Variants in AHCTF1 observed in about 807,000 individuals in gnomAD.
The protein encoded by AHCTF1 is AT-hook containing transcription factor 1.
Under a neutral mutation model 248.4 loss-of-function variants are expected in AHCTF1, and 24 were observed. That is an observed-to-expected ratio of 0.10 (90% CI 0.07 to 0.14). AHCTF1 has a LOEUF of 0.14. Ranked by LOEUF, AHCTF1 falls within the 10% of genes least tolerant of loss-of-function variation. The pLI is 1.00. For synonymous variants in AHCTF1, 786 were observed against 929.8 expected (o/e 0.85, Z 2.81); for missense variants, 2,206 against 2,636.2 (o/e 0.84, Z 3.57).
chr1:246,925,380 G>C (rs1286671240), intron 1 of AHCTF1, among the ~76,000 whole-genome samples: 4 of 152,142 alleles, frequency 2.6e-5, no homozygotes, highest in African/African-American at 7.2e-5. Flanking sequence ...TATTTCTTAG[G>C]CTGGGTGAGT....
intron 1 of AHCTF1, among the ~76,000 whole-genome samples, chr1:246,922,727 A>T (rs954424720): frequency 6.6e-6 from 1 of 151,284 alleles, no homozygotes; most frequent in Non-Finnish European, 1.5e-5. Flanking sequence ...TCACGCCTGT[A>T]ATCCCAGCAC....
intron 1 of AHCTF1, among the ~76,000 whole-genome samples, chr1:246,922,857 C>G (rs1213063733): frequency 2.7e-5 from 4 of 150,766 alleles, no homozygotes; most frequent in Admixed American, 2.0e-4. Context: ...GTGGCAGGCG[C>G]CTGTAGTCCC....
chr1:246,917,803 C>T (rs1400168600), intron 2 of AHCTF1, among the ~76,000 whole-genome samples: 1 of 152,194 alleles, frequency 6.6e-6, no homozygotes, highest in Non-Finnish European at 1.5e-5. Context: ...ATTACACAAT[C>T]TAAGTTACAC....
In AHCTF1 at chr1:246,900,322, A is replaced by G. The variant is rs1664907878; in HGVS notation, c.1250+15T>C. 1 of 1,582,990 alleles carries G rather than the reference A, an allele frequency of 6.3e-7. No homozygotes were observed. The highest frequency in any genetic ancestry group is 1.4e-5 in the African/African-American group (1 of 72,680). ...AATACAAAGAGAAAGGAGAGAGAAA[A>G]AAAAAGAATCATACCTTAACGAATC... On this transcript the variant is annotated intron_variant, in intron 9 of 35. Transcript: ENST00000648844.
intron 29 of AHCTF1, among the ~76,000 whole-genome samples, chr1:246,859,621 G>A (rs1661375787): frequency 6.6e-6 from 1 of 152,098 alleles, no homozygotes; most frequent in Admixed American, 6.6e-5. Context: ...CTGGGCTGGA[G>A]TTCAGTGGCG....
At chr1:246,912,347 G>C (rs1320884120) in intron 4 of AHCTF1, among the ~76,000 whole-genome samples, 1 of 151,916 alleles carries the variant, frequency 6.6e-6, no homozygotes, top group Non-Finnish European at 1.5e-5. Flanking sequence ...GCCAGGCATG[G>C]TGGCGTGTGC....
chr1:246,864,696 C>T (rs1341790137), intron 26 of AHCTF1, among the ~76,000 whole-genome samples: 3 of 34,910 alleles, frequency 8.6e-5, no homozygotes, highest in African/African-American at 5.7e-4. Context: ...AAAAATTAGC[C>T]GGGCGCGGTG....
intron 16 of AHCTF1, among the ~76,000 whole-genome samples, chr1:246,890,753 A>G (rs1664156256): frequency 6.6e-6 from 1 of 152,178 alleles, no homozygotes; most frequent in Admixed American, 6.5e-5. Flanking sequence ...TCCAATAAAC[A>G]TGTATGAGCA....
chr1:246,931,049 C>T (rs1236859849), intron 1 of AHCTF1: 1 of 1,519,122 alleles, frequency 6.6e-7, no homozygotes. Context: ...TTTTAAATCT[C>T]CTTGATCTGA....
chr1:246,899,473 G>A lies in AHCTF1; in HGVS notation c.1472C>T (p.Thr491Ile). 6.2e-7 allele frequency: 1 copy of A among 1,608,640 alleles called. No homozygotes were observed. The highest frequency in any genetic ancestry group is 2.2e-5 in the East Asian group (1 of 44,446). The change falls in exon 11 of 36, where the codon ACT becomes ATT. Residue 491 changes from threonine to isoleucine, a missense_variant. By Grantham distance (89) the Thr-to-Ile change is moderately conservative. This residue lies in a region of AHCTF1 where 650 missense variants were observed against 870.8 expected (regional missense o/e 0.75). Coordinates refer to ENST00000648844, the MANE Select transcript of AHCTF1 (RefSeq NM_001323342.2). Reference sequence around the variant, plus strand: ...TACCTCCTTCTGAAAGCCAGTACAAGTTAAATGAACAACTCCCGAGTTTAA... The same window carrying A: ...TACCTCCTTCTGAAAGCCAGTACAAATTAAATGAACAACTCCCGAGTTTAA... ...CLLNSGVVHL[T>I]CTGFQKETLT...
At chr1:246,891,336 A>T (rs1237228869) in intron 15 of AHCTF1, among the ~76,000 whole-genome samples, 1 of 152,180 alleles carries the variant, frequency 6.6e-6, no homozygotes. Flanking sequence ...CACCTCAGCT[A>T]CACTTTCATT....
intron 21 of AHCTF1, among the ~76,000 whole-genome samples, chr1:246,883,666 T>A (rs888460049): frequency 6.6e-6 from 1 of 152,208 alleles, no homozygotes; most frequent in African/African-American, 2.4e-5. Flanking sequence ...GACTAGTAAT[T>A]ATTTTTAAAC....
Position 246,931,780 on chromosome 1 carries a change from C to G in AHCTF1, c.-210G>C, listed in dbSNP as rs1166990802. ...GCGACCTCCCCGGCCACCTCAGAGC[C>G]ACACGCCCCCGAGAGTGCCTTCGCG... On this transcript the variant is annotated 5_prime_UTR_variant, in exon 1 of 36. Coordinates refer to ENST00000648844, the MANE Select transcript of AHCTF1 (RefSeq NM_001323342.2). 6.5e-6 allele frequency: 1 copy of G among 152,792 alleles called. No homozygotes were observed. Among genetic ancestry groups the G allele is most frequent in the African/African-American group, 2.4e-5 (1 of 41,464 alleles). 9.5% of individuals were successfully genotyped at this position (152,792 alleles called of 1,614,324 possible).
chr1:246,904,097 A>C, intron 6 of AHCTF1, 64 bp from the exon 7 acceptor site: 1 of 1,394,694 alleles, frequency 7.2e-7, no homozygotes, highest in South Asian at 1.2e-5. Context: ...CTTACTGTCC[A>C]AGTAAGTTTA....
chr1:246,922,725 G>A (rs1666630081), intron 1 of AHCTF1, among the ~76,000 whole-genome samples: 1 of 150,486 alleles, frequency 6.6e-6, no homozygotes, highest in African/African-American at 2.4e-5. Context: ...GCTCACGCCT[G>A]TAATCCCAGC....
At chr1:246,887,692 T>C (rs1445648458) in intron 19 of AHCTF1, among the ~76,000 whole-genome samples, 1 of 152,202 alleles carries the variant, frequency 6.6e-6, no homozygotes, top group Non-Finnish European at 1.5e-5. Flanking sequence ...GGCAGCTTAA[T>C]CAAACATCAT....
At chr1:246,867,910 C>A (rs994791698) in intron 24 of AHCTF1, 99 bp from the exon 25 acceptor site, 4 of 504,112 alleles carry the variant, frequency 7.9e-6, no homozygotes, top group South Asian at 2.8e-5. Context: ...CCCACACACA[C>A]ACACACACAC....
chr1:246,858,996 G>T lies in AHCTF1; in HGVS notation c.4133-1182C>A, dbSNP rs11800847. ...TAATCCAGCTACTTGGGAGGCTGAG[G>T]CAAGAGAAGAGGTTGCAGGAGCTGA... On this transcript the variant is annotated intron_variant, in intron 29 of 35. Transcript: ENST00000648844. 3.2e-3 allele frequency among the ~76,000 whole-genome samples: 484 copies of T among 152,258 alleles called. 2 individuals carry two copies. Among genetic ancestry groups the T allele is most frequent in the African/African-American group, 0.011 (439 of 41,540 alleles).
chr1:246,923,483 C>T (rs931028557), intron 1 of AHCTF1, among the ~76,000 whole-genome samples: 1 of 152,082 alleles, frequency 6.6e-6, no homozygotes, highest in Non-Finnish European at 1.5e-5. Context: ...GTGATATAGG[C>T]TAGTAATGGA....
Sources: allele counts gnomAD v4.1 joint callset (sites outside exome capture counted in the v4.1 genomes callset), GRCh38; gene constraint gnomAD v4.1.1; regional missense constraint gnomAD v4.1.1; transcripts MANE v1.5; gene names NCBI Gene and HGNC (gene_info 2026-07-23, HGNC 2026-07-21).